Variants in CALHM4 observed in about 807,000 individuals in gnomAD.
CALHM4 encodes the protein calcium homeostasis modulator protein 4.
In CALHM4, 16 loss-of-function variants were observed where a neutral mutation model predicts 13.3. That is an observed-to-expected ratio of 1.20 (90% CI 0.81 to 1.82). The LOEUF is 1.82. Among genes scored for constraint, CALHM4 ranks in the 40% most tolerant of loss-of-function variants. CALHM4 has a pLI of 0.00. For synonymous variants in CALHM4, 127 were observed against 137.1 expected (o/e 0.93, Z 0.52); for missense variants, 344 against 374.9 (o/e 0.92, Z 0.68).
chr6:116,559,764 A>G lies in CALHM4; in HGVS notation c.*1553A>G, dbSNP rs532225266. On this transcript the variant is annotated 3_prime_UTR_variant, in exon 2 of 2. Coordinates refer to ENST00000368596, the MANE Select transcript of CALHM4 (RefSeq NM_001366078.2). ...GCTTAAGGTCTCTTTTACATCAAGTACGATTTTTATGTTTATGTTTATATA... is the reference window on the plus strand; with the variant it reads ...GCTTAAGGTCTCTTTTACATCAAGTGCGATTTTTATGTTTATGTTTATATA... 2.6e-5 allele frequency among the ~76,000 whole-genome samples: 4 copies of G among 152,290 alleles called. No homozygotes were observed. The highest frequency in any genetic ancestry group is 1.3e-4 in the Admixed American group (2 of 15,300).
chr6:116,533,957 G>A (rs1772910712), intron 1 of CALHM4, among the ~76,000 whole-genome samples: 1 of 152,148 alleles, frequency 6.6e-6, no homozygotes, highest in South Asian at 2.1e-4. Flanking sequence ...GGCAGTCTGA[G>A]TCTAGCAACA....
Position 116,557,941 on chromosome 6 carries a change from C to T in CALHM4, c.675C>T (p.Leu225=). ...AACATTGCTACTGGACCAGCCACCT[C>T]CAGAATGAGAGAGAACTCTTTGAAC... The part of the protein sequence containing the change: ...SLQHCYWTSH[L]QNERELFEQA... Residue 225 remains leucine (L), a synonymous_variant, in exon 2 of 2, where the codon CTC becomes CTT. Transcript: ENST00000368596. The T allele has an allele frequency of 6.2e-7, 1 of 1,614,120 alleles. No individual in the cohort carries two copies. Among genetic ancestry groups the T allele is most frequent in the Non-Finnish European group, 8.5e-7 (1 of 1,180,016 alleles).
chr6:116,538,028 T>C (rs1035191656), intron 1 of CALHM4, among the ~76,000 whole-genome samples: 1 of 152,198 alleles, frequency 6.6e-6, no homozygotes, highest in Admixed American at 6.5e-5. Context: ...CTGGGAAGGA[T>C]TCATATGGGA....
In CALHM4 at chr6:116,558,119, G is replaced by A. The variant is rs1047932540; in HGVS notation, c.853G>A (p.Asp285Asn). The change falls in exon 2 of 2, where the codon GAT (aspartate) becomes AAT (asparagine). Residue 285 changes from aspartate (D) to asparagine (N), a missense_variant. Physicochemically the swap from Asp to Asn is conservative, Grantham distance 23. Coordinates refer to ENST00000368596, the MANE Select transcript of CALHM4 (RefSeq NM_001366078.2). The stretch of plus-strand genomic sequence containing the variant: ...AGTACCCACTCTTTTATGCATGGGT[G>A]ATGACTTGCAAGGTCACTATAGCTT... ...ISVPTLLCMG[D>N]DLQGHYSFLG... is the part of the protein sequence containing the mutation. 18 of 1,614,052 alleles carry A rather than the reference G, an allele frequency of 1.1e-5. No homozygotes were observed. Among genetic ancestry groups the A allele is most frequent in the Non-Finnish European group, 1.5e-5 (18 of 1,180,006 alleles).
At chr6:116,548,291 T>A (rs1474208047) in intron 2 of CALHM4, among the ~76,000 whole-genome samples, 1 of 152,214 alleles carries the variant, frequency 6.6e-6, no homozygotes, top group African/African-American at 2.4e-5. Flanking sequence ...TGCCAGCACC[T>A]TGATCTTGTA....
chr6:116,545,524 T>C (rs553451152), intron 2 of CALHM4: 8 of 1,546,724 alleles, frequency 5.2e-6, no homozygotes, highest in African/African-American at 1.4e-5. Context: ...TAGTGCTTGA[T>C]AGATGAAGAA....
Position 116,558,019 on chromosome 6 carries a change from A to G in CALHM4, c.753A>G (p.Leu251=). Residue 251 remains leucine, a synonymous_variant, in exon 2 of 2, where the codon CTA becomes CTG. Coordinates refer to ENST00000368596, the MANE Select transcript of CALHM4 (RefSeq NM_001366078.2). ...TCATGATGCATCGCATAAAGAAGCT[A>G]TTTGGCTTCATTCCCGGGAGTGAAG... ...RLLMMHRIKK[L]FGFIPGSEDV... 10 of 1,614,136 alleles carry G rather than the reference A, an allele frequency of 6.2e-6. No homozygotes were observed. Among genetic ancestry groups the G allele is most frequent in the Non-Finnish European group, 8.5e-6 (10 of 1,180,000 alleles).
intron 1 of CALHM4, among the ~76,000 whole-genome samples, chr6:116,531,093 G>A (rs1402758322): frequency 6.6e-6 from 1 of 151,846 alleles, no homozygotes; most frequent in African/African-American, 2.4e-5. Context: ...CTGCCATTCT[G>A]GCCACAGTTA....
Position 116,554,073 on chromosome 6 carries a change from C to A in CALHM4, c.280C>A (p.Pro94Thr). ...SCAPPYRRIS[P>T]LECKLACLRF... Reference sequence around the variant, plus strand: ...TGCCCCTCCATACAGGAGAATCAGCCCCCTAGAGTGCAAGCTGGCTTGCCT... The same window carrying A: ...TGCCCCTCCATACAGGAGAATCAGCACCCTAGAGTGCAAGCTGGCTTGCCT... The change falls in exon 1 of 2, where the codon CCC (proline) becomes ACC (threonine). Residue 94 changes from proline (P) to threonine (T), a missense_variant. Transcript: ENST00000368596. 6.4e-7 allele frequency: 1 copy of A among 1,550,600 alleles called. No individual in the cohort carries two copies. The highest frequency in any genetic ancestry group is 8.7e-7 in the Non-Finnish European group (1 of 1,146,990).
intron 2 of CALHM4, chr6:116,545,693 C>T (rs1393493008): frequency 3.2e-5 from 14 of 437,642 alleles, no homozygotes; most frequent in Non-Finnish European, 5.7e-5. Context: ...GGGAAAAAAA[C>T]CATGAACAAC....
chr6:116,556,161 G>T (rs1774306665), intron 1 of CALHM4, among the ~76,000 whole-genome samples: 1 of 152,002 alleles, frequency 6.6e-6, no homozygotes, highest in Admixed American at 6.5e-5. Context: ...AATAATTTAG[G>T]CTTTTGCATT....
chr6:116,546,405 G>A (rs560816143), intron 2 of CALHM4, among the ~76,000 whole-genome samples: 7 of 152,290 alleles, frequency 4.6e-5, no homozygotes, highest in African/African-American at 7.2e-5. Context: ...AAATGGAAGC[G>A]GAAAACTCAG....
chr6:116,534,707 T>C (rs1772963960), intron 1 of CALHM4, among the ~76,000 whole-genome samples: 1 of 151,408 alleles, frequency 6.6e-6, no homozygotes, highest in Admixed American at 6.6e-5. Flanking sequence ...CTATGATCAT[T>C]TCCTTGATTT....
In CALHM4 at chr6:116,553,911, A is replaced by G. The variant is rs1476414673; in HGVS notation, c.118A>G (p.Ser40Gly). ...ACAACTCTTCTCCTCTTCTACATTC[A>G]GCTGTCCTTGTCAGGTTGGAAAAAA... Reference protein sequence around the residue: ...GQQLFSSSTFSCPCQVGKNFY... With the variant: ...GQQLFSSSTFGCPCQVGKNFY... The change falls in exon 1 of 2, where the codon AGC becomes GGC. Residue 40 changes from serine (S) to glycine (G), a missense_variant. Physicochemically the swap from Ser to Gly is moderately conservative, Grantham distance 56. Coordinates refer to ENST00000368596, the MANE Select transcript of CALHM4 (RefSeq NM_001366078.2). 2.9e-5 allele frequency: 45 copies of G among 1,550,530 alleles called. No individual in the cohort carries two copies. The highest frequency in any genetic ancestry group is 3.7e-5 in the Non-Finnish European group (43 of 1,147,024).
At chr6:116,544,735 T>A (rs1773670097) in intron 2 of CALHM4, among the ~76,000 whole-genome samples, 1 of 151,932 alleles carries the variant, frequency 6.6e-6, no homozygotes, top group Non-Finnish European at 1.5e-5. Context: ...CCAGAGGAGG[T>A]ATCTGCAGGC....
chr6:116,560,933 T>C lies in CALHM4; in HGVS notation c.*2722T>C, dbSNP rs1201552010. Among the ~76,000 whole-genome samples the C allele has an allele frequency of 1.3e-5, 2 of 152,210 alleles. No homozygotes were observed. Among genetic ancestry groups the C allele is most frequent in the African/African-American group, 4.8e-5 (2 of 41,460 alleles). On this transcript the variant is annotated 3_prime_UTR_variant, in exon 2 of 2. Coordinates refer to ENST00000368596, the MANE Select transcript of CALHM4 (RefSeq NM_001366078.2). ...TCCCATCATGACCTAAGTTGCCACC[T>C]TCCCAGGAGACAAATACAAACCAAT...
chr6:116,557,813 A>G lies in CALHM4; in HGVS notation c.559-12A>G. The stretch of plus-strand genomic sequence containing the variant: ...GATACTTCCTGTTTTTCTTTTTAAT[A>G]ATGATGTGAAGATGCTGGGTTGGAT... On this transcript the variant is annotated splice_polypyrimidine_tract_variant and intron_variant, in intron 1 of 1. Coordinates refer to ENST00000368596, the MANE Select transcript of CALHM4 (RefSeq NM_001366078.2). 6.2e-7 allele frequency: 1 copy of G among 1,600,790 alleles called. No homozygotes were observed. Among genetic ancestry groups the G allele is most frequent in the Non-Finnish European group, 8.5e-7 (1 of 1,172,008 alleles).
chr6:116,540,370 A>G, intron 1 of CALHM4: 2 of 1,550,948 alleles, frequency 1.3e-6, no homozygotes, highest in South Asian at 2.4e-5. Flanking sequence ...TACCTGGGCA[A>G]TTATGTCTAT....
intron 2 of CALHM4, among the ~76,000 whole-genome samples, chr6:116,546,865 G>A (rs1375409882): frequency 6.6e-6 from 1 of 152,144 alleles, no homozygotes; most frequent in Non-Finnish European, 1.5e-5. Flanking sequence ...ATTTCACTTA[G>A]TTGTGGGGTA....
Sources: allele counts gnomAD v4.1 joint callset (sites outside exome capture counted in the v4.1 genomes callset), GRCh38; gene constraint gnomAD v4.1.1; transcripts MANE v1.5; gene names NCBI Gene and HGNC (gene_info 2026-07-23, HGNC 2026-07-21).